The following SAMMSON variants were observed in gnomAD, a reference collection of about 807,000 sequenced individuals.
The protein encoded by SAMMSON is long intergenic non-protein coding RNA 1212.
At chr3:70,110,395 C>A (rs1190480117) in intron 4 of SAMMSON, among the ~76,000 whole-genome samples, 1 of 152,148 alleles carries the variant, frequency 6.6e-6, no homozygotes, top group Admixed American at 6.5e-5. Context: ...CAAGACATGG[C>A]AGCCAATTCC....
At chr3:70,018,123 CT>C (rs1433932329) in intron 3 of SAMMSON, among the ~76,000 whole-genome samples, 8 of 152,128 alleles carry the variant, frequency 5.3e-5, no homozygotes, top group African/African-American at 1.9e-4. Context: ...AGGATTCCCT[CT>C]TTTTCTATCA....
intron 9 of SAMMSON, among the ~76,000 whole-genome samples, chr3:70,360,808 T>C (rs530566688): frequency 1.7e-4 from 26 of 152,310 alleles, no homozygotes; most frequent in Non-Finnish European, 3.7e-4. Context: ...TTTGGAATTA[T>C]GCATTTATAT....
chr3:70,152,100 T>C (rs1285026847), intron 4 of SAMMSON, among the ~76,000 whole-genome samples: 1 of 152,014 alleles, frequency 6.6e-6, no homozygotes, highest in Non-Finnish European at 1.5e-5. Flanking sequence ...TTATGCAGGT[T>C]AGAGTAAAAA....
rs751382555 is a variant in SAMMSON at position 70,277,456 on chromosome 3, T to C, written n.675-13723T>C. 5.9e-5 allele frequency among the ~76,000 whole-genome samples: 9 copies of C among 152,296 alleles called. No homozygotes were observed. In the South Asian group the frequency reaches 1.0e-3, roughly 18 times the overall value. ...AGGTATGAAGGCTTTTTAGACACTATAATGACGGCTCTTGATTCACTTGAT... is the reference window on the plus strand; with the variant it reads ...AGGTATGAAGGCTTTTTAGACACTACAATGACGGCTCTTGATTCACTTGAT... On this transcript the variant is annotated intron_variant and non_coding_transcript_variant, in intron 6 of 9. Transcript: ENST00000642114.
At chr3:70,157,877 G>A (rs1360457072) in intron 4 of SAMMSON, among the ~76,000 whole-genome samples, 1 of 152,010 alleles carries the variant, frequency 6.6e-6, no homozygotes, top group African/African-American at 2.4e-5. Context: ...TCACATCACT[G>A]ATCAGTGGAA....
chr3:70,353,953 G>A (rs1395471415), intron 7 of SAMMSON, among the ~76,000 whole-genome samples: 1 of 152,116 alleles, frequency 6.6e-6, no homozygotes, highest in African/African-American at 2.4e-5. Context: ...CAATTTGAAA[G>A]GTTATCTACT....
chr3:70,117,933 T>A (rs958433115), intron 4 of SAMMSON, among the ~76,000 whole-genome samples: 4 of 152,210 alleles, frequency 2.6e-5, no homozygotes, highest in African/African-American at 7.2e-5. Context: ...TTATTTATTT[T>A]TTGAGACGGA....
At chr3:70,138,286 G>T (rs2067514199) in intron 4 of SAMMSON, among the ~76,000 whole-genome samples, 1 of 152,172 alleles carries the variant, frequency 6.6e-6, no homozygotes, top group Admixed American at 6.5e-5. Context: ...CTATAACAAA[G>T]ATATCATAAA....
intron 3 of SAMMSON, among the ~76,000 whole-genome samples, chr3:70,052,397 T>C (rs976625071): frequency 6.6e-6 from 1 of 152,104 alleles, no homozygotes; most frequent in Non-Finnish European, 1.5e-5. Flanking sequence ...CTCTCCCCTG[T>C]TACCTCAGCA....
At chr3:70,427,583 C>T (rs527519646) in intron 2 of SAMMSON, among the ~76,000 whole-genome samples, 34 of 151,952 alleles carry the variant, frequency 2.2e-4, no homozygotes, top group African/African-American at 7.5e-4. Flanking sequence ...ACTAAAAATA[C>T]AAAAATTAGC....
At chr3:70,379,482 G>A (rs1703046781) in intron 9 of SAMMSON, among the ~76,000 whole-genome samples, 1 of 152,132 alleles carries the variant, frequency 6.6e-6, no homozygotes, top group African/African-American at 2.4e-5. Flanking sequence ...AGGGAGAATT[G>A]CACTGCGATG....
chr3:70,296,586 T>TA (rs1298113906), intron 7 of SAMMSON, among the ~76,000 whole-genome samples: 3 of 152,196 alleles, frequency 2.0e-5, no homozygotes, highest in African/African-American at 7.2e-5. Flanking sequence ...TCCAGTGGAA[T>TA]AAAAGGCATG....
At chr3:70,259,027 C>T (rs1051131947) in intron 6 of SAMMSON, among the ~76,000 whole-genome samples, 1 of 152,006 alleles carries the variant, frequency 6.6e-6, no homozygotes, top group Non-Finnish European at 1.5e-5. Flanking sequence ...CAAGTTAGTG[C>T]TAATTAGAGA....
intron 6 of SAMMSON, among the ~76,000 whole-genome samples, chr3:70,255,238 A>G (rs1701804146): frequency 1.3e-5 from 2 of 152,344 alleles, no homozygotes; most frequent in African/African-American, 4.8e-5. Flanking sequence ...GATGAATAGT[A>G]GCTTAGTGGA....
intron 3 of SAMMSON, among the ~76,000 whole-genome samples, chr3:70,037,162 T>G (rs1041656959): frequency 1.4e-4 from 20 of 145,304 alleles, no homozygotes; most frequent in African/African-American, 4.9e-4. Context: ...TATTGATTTG[T>G]TTTTTTTTTT....
intron 2 of SAMMSON, among the ~76,000 whole-genome samples, chr3:70,013,063 T>C (rs1199996687): frequency 1.3e-5 from 2 of 152,190 alleles, no homozygotes; most frequent in Non-Finnish European, 2.9e-5. Flanking sequence ...AATTTTGGTT[T>C]TCCTATTTTT....
chr3:70,129,844 C>G (rs1300108600), intron 4 of SAMMSON, among the ~76,000 whole-genome samples: 1 of 152,014 alleles, frequency 6.6e-6, no homozygotes, highest in African/African-American at 2.4e-5. Context: ...AACAGTTAGA[C>G]TTTATTTTAT....
At position 70,106,061 on chromosome 3, in the gene SAMMSON, T is replaced by C. The variant is rs191647776; in HGVS notation, n.507+34496T>C. Among the ~76,000 whole-genome samples the C allele has an allele frequency of 2.5e-3, 386 of 152,344 alleles. 2 individuals carry two copies. Among genetic ancestry groups the C allele is most frequent in the Non-Finnish European group, 3.2e-3 (216 of 68,028 alleles). ...AAATGCAAGAAACAGTGATTTGAGA[T>C]GGTATTTTAATTCCTTTTAATTCTT... is the stretch of plus-strand genomic sequence containing the variant. On this transcript the variant is annotated intron_variant and non_coding_transcript_variant, in intron 4 of 9. Coordinates refer to ENST00000642114, the Ensembl canonical transcript of SAMMSON.
intron 6 of SAMMSON, among the ~76,000 whole-genome samples, chr3:70,290,805 T>G (rs968453305): frequency 3.3e-5 from 5 of 152,160 alleles, no homozygotes; most frequent in Non-Finnish European, 7.3e-5. Flanking sequence ...AGTATTCGGG[T>G]GGGAGTGACC....
Sources: allele counts gnomAD v4.1 joint callset (sites outside exome capture counted in the v4.1 genomes callset), GRCh38; gene constraint gnomAD v4.1.1; transcripts MANE v1.5; gene names NCBI Gene and HGNC (gene_info 2026-07-23, HGNC 2026-07-21).